The following SLIT3 variants were observed in gnomAD, a reference collection of about 807,000 sequenced individuals.
SLIT3 encodes the protein slit guidance ligand 3.
SLIT3 carries 68 observed loss-of-function variants against 184.0 expected under a neutral mutation model. The observed-to-expected ratio is 0.37, with a 90% confidence interval of 0.30 to 0.45. The LOEUF is 0.45. SLIT3 is among the 20% of genes least tolerant of loss of function. The pLI is 1.00. For missense variants in SLIT3, 1,707 were observed against 2,026.0 expected, an observed-to-expected ratio of 0.84 and a Z score of 3.02; for synonymous variants, 831 against 828.6, an observed-to-expected ratio of 1.00 and a Z score of -0.05.
intron 4 of SLIT3, among the ~76,000 whole-genome samples, chr5:168,996,906 AG>A (rs1228856311): frequency 6.6e-6 from 1 of 152,050 alleles, no homozygotes; most frequent in African/African-American, 2.4e-5. Flanking sequence ...GATGTGTGGG[AG>A]AATGTGGCTC....
At chr5:168,768,203 G>T (rs751147155) in intron 14 of SLIT3, 33 of 525,680 alleles carry the variant, frequency 6.3e-5, no homozygotes, top group Admixed American at 2.2e-4. Context: ...CGTTTCCATC[G>T]TTCCACCACA....
At chr5:168,871,866 G>C (rs1016059393) in intron 5 of SLIT3, among the ~76,000 whole-genome samples, 7 of 152,210 alleles carry the variant, frequency 4.6e-5, no homozygotes, top group African/African-American at 1.7e-4. Flanking sequence ...CATAAAGGTG[G>C]TAAGAACCAG....
In SLIT3 at chr5:168,760,899, T is replaced by G. The variant is rs1369553711; in HGVS notation, c.1648A>C (p.Thr550Pro). The stretch of plus-strand genomic sequence containing the variant: ...TTGGGCAACTTCTTGAAGATGCCAG[T>G]GGCCTCCAGAACAGATACCTCATTG... ...NDNEVSVLEA[T>P]GIFKKLPNLR... is the part of the protein sequence containing the mutation. Residue 550 changes from threonine (T) to proline (P), a missense_variant, in exon 16 of 36, where the codon ACT (threonine) becomes CCT (proline). Thr to Pro is a conservative substitution (Grantham distance 38). Transcript: ENST00000519560. 4 of 1,614,052 alleles carry G rather than the reference T, an allele frequency of 2.5e-6. No individual in the cohort carries two copies. The highest frequency in any genetic ancestry group is 2.2e-5 in the East Asian group (1 of 44,878).
intron 4 of SLIT3, among the ~76,000 whole-genome samples, chr5:169,001,262 C>T (rs1346200563): frequency 1.3e-5 from 2 of 152,172 alleles, no homozygotes; most frequent in Non-Finnish European, 2.9e-5. Context: ...TTGAACCTGT[C>T]TTGTCTGCCT....
chr5:168,885,603 C>G (rs1760167958), intron 4 of SLIT3, among the ~76,000 whole-genome samples: 1 of 152,210 alleles, frequency 6.6e-6, no homozygotes. Context: ...GGCCACCGAG[C>G]CTTTGCCCAC....
chr5:169,218,331 A>G (rs576104370), intron 3 of SLIT3, among the ~76,000 whole-genome samples: 1 of 152,286 alleles, frequency 6.6e-6, no homozygotes, highest in African/African-American at 2.4e-5. Context: ...GACCCAGCAA[A>G]ACAAACTAGA....
At chr5:168,863,517 C>T (rs957346669) in intron 5 of SLIT3, among the ~76,000 whole-genome samples, 1 of 152,170 alleles carries the variant, frequency 6.6e-6, no homozygotes, top group Non-Finnish European at 1.5e-5. Flanking sequence ...AAACTGACAG[C>T]CACAGCCATG....
intron 4 of SLIT3, among the ~76,000 whole-genome samples, chr5:169,183,306 G>A (rs1763229336): frequency 1.3e-5 from 2 of 152,220 alleles, no homozygotes; most frequent in South Asian, 4.1e-4. Context: ...ACGTAGTAAA[G>A]AGAGTACACT....
At chr5:168,762,997 T>A (rs141923515) in intron 14 of SLIT3, among the ~76,000 whole-genome samples, 2 of 152,188 alleles carry the variant, frequency 1.3e-5, no homozygotes, top group Admixed American at 1.3e-4. Context: ...ATGAAAGTTA[T>A]GAATGTTCTC....
Position 168,844,546 on chromosome 5 carries a change from C to T in SLIT3, c.557+38G>A, listed in dbSNP as rs374331956. 191 of 1,586,666 alleles carry T rather than the reference C, an allele frequency of 1.2e-4. 1 individual carries two copies. Among genetic ancestry groups the T allele is most frequent in the Middle Eastern group, 3.3e-4 (2 of 6,022 alleles). ...AGACACACACACATACACACACATGCACGCACACACAAGGCAGCGATCGCA... is the reference window on the plus strand; with the variant it reads ...AGACACACACACATACACACACATGTACGCACACACAAGGCAGCGATCGCA... On this transcript the variant is annotated intron_variant, in intron 6 of 35. Transcript: ENST00000519560.
chr5:169,230,400 GC>G (rs1764961874), intron 3 of SLIT3, among the ~76,000 whole-genome samples: 1 of 152,208 alleles, frequency 6.6e-6, no homozygotes, highest in Non-Finnish European at 1.5e-5. Flanking sequence ...CATAACAGAA[GC>G]CGATTCCTCT....
At chr5:169,286,703 C>T (rs1332008235) in intron 1 of SLIT3, among the ~76,000 whole-genome samples, 3 of 152,188 alleles carry the variant, frequency 2.0e-5, no homozygotes, top group Non-Finnish European at 2.9e-5. Flanking sequence ...TCCCCAGAGC[C>T]GCCTCCCTCG....
At chr5:169,068,091 T>A (rs2113116323) in intron 4 of SLIT3, among the ~76,000 whole-genome samples, 1 of 152,252 alleles carries the variant, frequency 6.6e-6, no homozygotes, top group South Asian at 2.1e-4. Flanking sequence ...TATAAACTAG[T>A]GAACTGTGCA....
chr5:168,755,389 ATTTCTTTC>A (rs139729506), intron 16 of SLIT3, among the ~76,000 whole-genome samples: 3,607 of 133,684 alleles, frequency 0.027, 155 homozygotes, highest in African/African-American at 0.041. Flanking sequence ...CAGTGCCGCC[ATTTCTTTC>A]TTTCTTTCTT....
chr5:169,213,573 C>G (rs555078854), intron 3 of SLIT3, among the ~76,000 whole-genome samples: 1 of 152,308 alleles, frequency 6.6e-6, no homozygotes, highest in Admixed American at 6.5e-5. Flanking sequence ...TCAAATATCC[C>G]TTCCTCCAGG....
At chr5:168,699,268 A>G (rs1762148561) in intron 27 of SLIT3, among the ~76,000 whole-genome samples, 1 of 152,198 alleles carries the variant, frequency 6.6e-6, no homozygotes, top group Non-Finnish European at 1.5e-5. Context: ...GAGAACCGGG[A>G]GCCTGGAATT....
chr5:168,743,679 A>T (rs564170635), intron 20 of SLIT3, among the ~76,000 whole-genome samples: 1 of 152,266 alleles, frequency 6.6e-6, no homozygotes, highest in African/African-American at 2.4e-5. Flanking sequence ...AGTGAGGAAG[A>T]CATATCAAAA....
chr5:168,792,118 T>C (rs903637269), intron 10 of SLIT3: 1 of 152,236 alleles, frequency 6.6e-6, no homozygotes, highest in African/African-American at 2.4e-5. Flanking sequence ...TCAAGTCTCC[T>C]ATCAGCTCAA....
Position 168,771,776 on chromosome 5 carries a change from G to A in SLIT3, c.1459+1005C>T, listed in dbSNP as rs115075815. ...CTAAAGAATTTGACTTAAAGGACAA[G>A]AAGATGTTGTAAGAAGCACAAGTCT... On this transcript the variant is annotated intron_variant, in intron 14 of 35. Coordinates refer to ENST00000519560, the MANE Select transcript of SLIT3 (RefSeq NM_003062.4). 2.5e-3 allele frequency among the ~76,000 whole-genome samples: 378 copies of A among 152,310 alleles called. 3 individuals carry two copies. Among genetic ancestry groups the A allele is most frequent in the African/African-American group, 8.6e-3 (359 of 41,562 alleles).
Sources: allele counts gnomAD v4.1 joint callset (sites outside exome capture counted in the v4.1 genomes callset), GRCh38; gene constraint gnomAD v4.1.1; transcripts MANE v1.5; gene names NCBI Gene and HGNC (gene_info 2026-07-23, HGNC 2026-07-21).